Variants in SPINK5 observed in about 807,000 individuals in gnomAD.
SPINK5 encodes the protein serine peptidase inhibitor Kazal type 5, also known as serine protease inhibitor Kazal-type 5.
In SPINK5, 125 loss-of-function variants were observed where a neutral mutation model predicts 151.8. The observed-to-expected ratio is 0.82, with a 90% CI of 0.71 to 0.96. SPINK5 has a LOEUF of 0.96. Among genes scored for constraint, SPINK5 ranks in the 40% least tolerant of loss-of-function variants. SPINK5 has a pLI of 0.00. For synonymous variants in SPINK5, 374 were observed against 395.3 expected, an observed-to-expected ratio of 0.95 and a Z score of 0.64; for missense variants, 1,194 against 1,291.9, an observed-to-expected ratio of 0.92 and a Z score of 1.16.
In SPINK5 at chr5:148,120,182, C is replaced by T. The variant is rs775717952; in HGVS notation, c.2441+46C>T. 10 of 1,613,400 alleles carry T rather than the reference C, an allele frequency of 6.2e-6. No homozygotes were observed. In the African/African-American group the frequency reaches 1.1e-4, roughly 17 times the overall value. On this transcript the variant is annotated intron_variant, in intron 25 of 32. Coordinates refer to ENST00000256084, the MANE Select transcript of SPINK5 (RefSeq NM_006846.4). The stretch of plus-strand genomic sequence containing the variant: ...GCTTTTGACTGTGAGTCTTAAAGTA[C>T]AATAATCATTTCTTACCAGTTTGGG...
chr5:148,127,759 G>A (rs1754469115), intron 30 of SPINK5, among the ~76,000 whole-genome samples: 2 of 152,150 alleles, frequency 1.3e-5, no homozygotes, highest in African/African-American at 4.8e-5. Flanking sequence ...TTGGGAGGCT[G>A]AGGTGGAAGG....
intron 29 of SPINK5, 104 bp downstream of exon 29, chr5:148,125,954 A>T (rs1487292784): frequency 1.3e-6 from 2 of 1,543,414 alleles, no homozygotes; most frequent in Admixed American, 3.3e-5. Flanking sequence ...ATGGGATTTT[A>T]AAAATAAGTC....
intron 13 of SPINK5, among the ~76,000 whole-genome samples, chr5:148,100,965 A>G (rs1267634977): frequency 1.3e-5 from 2 of 152,132 alleles, no homozygotes; most frequent in Admixed American, 1.3e-4. Flanking sequence ...AAGATGGATG[A>G]TTTACCATGG....
chr5:148,098,005 A>C lies in SPINK5; in HGVS notation c.1010+11A>C. ...GTGTCAAGCCTACTTGTGAGTATAGAGTTTTAGAATGTCAAAGAAAGAAGG... is the reference window on the plus strand; with the variant it reads ...GTGTCAAGCCTACTTGTGAGTATAGCGTTTTAGAATGTCAAAGAAAGAAGG... On this transcript the variant is annotated intron_variant, in intron 11 of 32. Transcript: ENST00000256084. 6.2e-7 allele frequency: 1 copy of C among 1,610,518 alleles called. No homozygotes were observed. Among genetic ancestry groups the C allele is most frequent in the South Asian group, 1.1e-5 (1 of 91,016 alleles).
In SPINK5 at chr5:148,107,255, C is replaced by T. The variant is rs578113709; in HGVS notation, c.1607+91C>T. On this transcript the variant is annotated intron_variant, in intron 17 of 32. Coordinates refer to ENST00000256084, the MANE Select transcript of SPINK5 (RefSeq NM_006846.4). ...CTTCATGCATGTGTAGAGTATAGAC[C>T]GTGAGTTATATATTAGAAAGGTTTA... is the stretch of plus-strand genomic sequence containing the variant. 412 of 1,564,644 alleles carry T rather than the reference C, an allele frequency of 2.6e-4. 1 individual carries two copies. In the East Asian group the frequency reaches 4.8e-3, roughly 18 times the overall value.
In SPINK5 at chr5:148,127,096, C is replaced by A. The variant is rs757552106; in HGVS notation, c.2964+17C>A. On this transcript the variant is annotated intron_variant, in intron 30 of 32. Coordinates refer to ENST00000256084, the MANE Select transcript of SPINK5 (RefSeq NM_006846.4). Reference sequence around the variant, plus strand: ...AGTTCTCTGGTAAGGAGGACTATTTCTGAAAAGCTACTTATCAATTTAATT... The same window carrying A: ...AGTTCTCTGGTAAGGAGGACTATTTATGAAAAGCTACTTATCAATTTAATT... 19 of 1,593,434 alleles carry A rather than the reference C, an allele frequency of 1.2e-5. No homozygotes were observed. In the South Asian group the frequency reaches 2.1e-4, roughly 18 times the overall value.
rs961613914 is a variant in SPINK5, at chr5:148,107,113, G to A, written c.1556G>A (p.Gly519Asp). The A allele has an allele frequency of 1.9e-6, 3 of 1,613,234 alleles. No homozygotes were observed. Among genetic ancestry groups the A allele is most frequent in the Non-Finnish European group, 2.5e-6 (3 of 1,179,590 alleles). ...ACCAGGGAGCATAATCCTGTCCGTG[G>A]CCCAGATGGCAAAATGCATGGAAAC... is the stretch of plus-strand genomic sequence containing the variant. Reference protein sequence around the residue: ...ICTREHNPVRGPDGKMHGNKC... With the variant: ...ICTREHNPVRDPDGKMHGNKC... The change falls in exon 17 of 33, where the codon GGC becomes GAC. Residue 519 changes from glycine to aspartate, a missense_variant. By Grantham distance (94) the Gly-to-Asp change is moderately conservative. Transcript: ENST00000256084.
intron 24 of SPINK5, among the ~76,000 whole-genome samples, chr5:148,119,264 T>C (rs1444599230): frequency 6.6e-6 from 1 of 152,206 alleles, no homozygotes; most frequent in Non-Finnish European, 1.5e-5. Context: ...TCTGACACTT[T>C]ACAAGGCATT....
chr5:148,083,735 T>C (rs898842399), intron 4 of SPINK5, among the ~76,000 whole-genome samples: 2 of 151,618 alleles, frequency 1.3e-5, no homozygotes, highest in African/African-American at 4.8e-5. Context: ...TTGTTAATTA[T>C]AGAAATTGTT....
At chr5:148,114,300 G>T in intron 20 of SPINK5, 62 bp from the exon 21 acceptor site, 1 of 1,565,632 alleles carries the variant, frequency 6.4e-7, no homozygotes, top group Non-Finnish European at 8.7e-7. Flanking sequence ...GCACTTAGTA[G>T]GAACCCAGTA....
intron 32 of SPINK5, 137 bp downstream of exon 32, chr5:148,134,024 A>C: frequency 1.3e-6 from 1 of 787,368 alleles, no homozygotes; most frequent in Non-Finnish European, 2.2e-6. Context: ...AGAATTGGTC[A>C]CATTTTCACT....
chr5:148,105,465 A>G, intron 16 of SPINK5, among the ~76,000 whole-genome samples: 1 of 152,192 alleles, frequency 6.6e-6, no homozygotes, highest in African/African-American at 2.4e-5. Flanking sequence ...CACCCAATTA[A>G]GATTATTAAG....
At chr5:148,094,626 C>T in intron 9 of SPINK5, 145 bp downstream of exon 9, 1 of 1,296,320 alleles carries the variant, frequency 7.7e-7, no homozygotes, top group East Asian at 2.5e-5. Context: ...ATCATAATGC[C>T]ACCTAGTGAG....
At chr5:148,089,094 G>T in intron 6 of SPINK5, 2 of 461,984 alleles carry the variant, frequency 4.3e-6, no homozygotes, top group South Asian at 3.1e-5. Context: ...CTTTTTCCAG[G>T]TGAATGATTT....
intron 32 of SPINK5, among the ~76,000 whole-genome samples, chr5:148,135,155 G>A (rs11168033): frequency 0.56 from 85,380 of 151,914 alleles, 24,691 homozygotes; most frequent in Admixed American, 0.65. Context: ...CCATAAAAAG[G>A]GAGTTTAAAC....
intron 4 of SPINK5, among the ~76,000 whole-genome samples, chr5:148,077,205 A>G (rs923653085): frequency 1.3e-5 from 2 of 151,144 alleles, no homozygotes; most frequent in Middle Eastern, 3.4e-3. Flanking sequence ...AAAAAAAACA[A>G]AGAGAAAATT....
At chr5:148,101,744 T>C in intron 14 of SPINK5, 37 bp from the exon 15 acceptor site, 1 of 1,613,522 alleles carries the variant, frequency 6.2e-7, no homozygotes. Flanking sequence ...ATTCAGCCTA[T>C]GTTCAACACT....
intron 28 of SPINK5, 69 bp from the exon 29 acceptor site, chr5:148,125,654 C>G: frequency 6.2e-7 from 1 of 1,614,130 alleles, no homozygotes; most frequent in Non-Finnish European, 8.5e-7. Context: ...TTCCTAAAAC[C>G]AAGTTTGAAG....
At chr5:148,098,947 T>C (rs752950090) in intron 11 of SPINK5, among the ~76,000 whole-genome samples, 2 of 152,084 alleles carry the variant, frequency 1.3e-5, no homozygotes, top group Non-Finnish European at 2.9e-5. Context: ...TTATGAACAT[T>C]GATCATGCTC....
Sources: gnomAD v4.1 joint callset for allele counts (sites outside exome capture counted in the v4.1 genomes callset) on GRCh38, gnomAD v4.1.1 for gene constraint, MANE v1.5 for transcripts, NCBI Gene and HGNC (gene_info 2026-07-23, HGNC 2026-07-21) for gene names.